OPRM1: variants seen among roughly 807,000 people sequenced by gnomAD.
The protein encoded by OPRM1 is opioid receptor mu 1.
A neutral mutation model predicts 31.8 loss-of-function variants in OPRM1; 27 were observed. The observed-to-expected ratio is 0.85, with a 90% CI of 0.63 to 1.17. The LOEUF (loss-of-function observed/expected upper bound fraction) is 1.17. Among genes scored for constraint, OPRM1 ranks in the 50% most tolerant of loss-of-function variants. The pLI is 0.00. For missense variants in OPRM1, 536 were observed against 511.1 expected (o/e 1.05, Z -0.47); for synonymous variants, 196 against 189.9 (o/e 1.03, Z -0.26).
intron 3 of OPRM1, among the ~76,000 whole-genome samples, chr6:154,183,641 G>C (rs144157248): frequency 6.6e-6 from 1 of 152,158 alleles, no homozygotes; most frequent in Non-Finnish European, 1.5e-5. Context: ...GCTTACACCT[G>C]TAATCCCAGG....
intron 1 of OPRM1, among the ~76,000 whole-genome samples, chr6:154,076,040 C>T (rs531676370): frequency 1.3e-5 from 2 of 152,278 alleles, no homozygotes; most frequent in South Asian, 4.1e-4. Flanking sequence ...AAGGCTATCT[C>T]CATGTAGTAG....
At chr6:154,026,612 T>G (rs1778711128) in intron 1 of OPRM1, among the ~76,000 whole-genome samples, 1 of 152,108 alleles carries the variant, frequency 6.6e-6, no homozygotes, top group Non-Finnish European at 1.5e-5. Flanking sequence ...ATCCTGTAAG[T>G]GTGCTTCTTT....
At chr6:154,180,558 G>C (rs1800785353) in intron 3 of OPRM1, among the ~76,000 whole-genome samples, 1 of 151,812 alleles carries the variant, frequency 6.6e-6, no homozygotes, top group Non-Finnish European at 1.5e-5. Context: ...CCATACCCCA[G>C]TCTATTGTCT....
chr6:154,182,612 A>G (rs535135566), intron 3 of OPRM1, among the ~76,000 whole-genome samples: 1 of 152,224 alleles, frequency 6.6e-6, no homozygotes, highest in Non-Finnish European at 1.5e-5. Flanking sequence ...TGTACATACA[A>G]AAAAGATATT....
intron 1 of OPRM1, among the ~76,000 whole-genome samples, chr6:154,024,161 A>G (rs1778548583): frequency 1.3e-5 from 2 of 152,066 alleles, no homozygotes; most frequent in Non-Finnish European, 2.9e-5. Flanking sequence ...TAATGAAGCC[A>G]CTAGGTCCTG....
chr6:154,185,973 C>T (rs1354735986), intron 3 of OPRM1, among the ~76,000 whole-genome samples: 1 of 152,230 alleles, frequency 6.6e-6, no homozygotes, highest in Non-Finnish European at 1.5e-5. Flanking sequence ...TTCCCCTTCT[C>T]CCTTAACAGG....
intron 1 of OPRM1, among the ~76,000 whole-genome samples, chr6:154,073,180 A>G (rs1417569361): frequency 2.0e-5 from 3 of 152,162 alleles, no homozygotes; most frequent in Non-Finnish European, 4.4e-5. Context: ...GAAACTAAGA[A>G]CAGCCAATAT....
downstream of OPRM1, among the ~76,000 whole-genome samples, chr6:154,133,001 G>T (rs576273408): frequency 6.6e-6 from 1 of 152,050 alleles, no homozygotes; most frequent in South Asian, 2.1e-4. Flanking sequence ...GGCACCTGTA[G>T]CCCCAGCTAC....
downstream of OPRM1, among the ~76,000 whole-genome samples, chr6:154,135,321 T>C (rs1798028467): frequency 6.6e-6 from 1 of 151,920 alleles, no homozygotes; most frequent in South Asian, 2.1e-4. Context: ...ATACAAAAAT[T>C]AGCCAGGCAT....
intron 1 of OPRM1, among the ~76,000 whole-genome samples, chr6:154,027,624 G>A (rs1251235025): frequency 6.6e-6 from 1 of 152,212 alleles, no homozygotes; most frequent in Non-Finnish European, 1.5e-5. Flanking sequence ...CCACGTTCTA[G>A]AGTCAAAAAC....
intron 3 of OPRM1, chr6:154,094,459 A>C: frequency 2.8e-6 from 1 of 360,204 alleles, no homozygotes; most frequent in Non-Finnish European, 5.5e-6. Flanking sequence ...CCATTTATTT[A>C]GTTTACAATT....
chr6:154,204,369 T>TAACCA (rs1554293113), intron 3 of OPRM1, among the ~76,000 whole-genome samples: 4 of 152,184 alleles, frequency 2.6e-5, no homozygotes, highest in African/African-American at 9.7e-5. Flanking sequence ...CAAAAAAGTC[T>TAACCA]AAACAAAACA....
At chr6:154,190,801 C>G (rs776026455) in intron 3 of OPRM1, among the ~76,000 whole-genome samples, 1 of 152,144 alleles carries the variant, frequency 6.6e-6, no homozygotes, top group Non-Finnish European at 1.5e-5. Context: ...TGTGATGCAT[C>G]CATACAATGG....
intron 3 of OPRM1, chr6:154,107,818 A>G (rs1483128643): frequency 2.8e-6 from 2 of 718,032 alleles, no homozygotes; most frequent in Non-Finnish European, 5.2e-6. Context: ...CAGGTGTTCC[A>G]AGCCCGTGTT....
At chr6:154,108,042 G>T in intron 3 of OPRM1, 1 of 662,202 alleles carries the variant, frequency 1.5e-6, no homozygotes, top group Non-Finnish European at 2.8e-6. Context: ...AATCTGACTG[G>T]TAAGAAATTG....
At chr6:154,229,661 T>G (rs59709876) in intron 3 of OPRM1, among the ~76,000 whole-genome samples, 12,920 of 152,082 alleles carry the variant, frequency 0.085, 990 homozygotes, top group East Asian at 0.43. Flanking sequence ...CAGCAGTTTG[T>G]CAGTTTCTAA....
At chr6:154,171,573 T>C (rs1010800006) in intron 3 of OPRM1, among the ~76,000 whole-genome samples, 1 of 152,194 alleles carries the variant, frequency 6.6e-6, no homozygotes, top group Admixed American at 6.5e-5. Flanking sequence ...ATTCCAAATA[T>C]ACTAAAAACC....
intron 3 of OPRM1, among the ~76,000 whole-genome samples, chr6:154,214,661 T>C (rs1778240178): frequency 6.6e-6 from 1 of 152,220 alleles, no homozygotes; most frequent in South Asian, 2.1e-4. Context: ...CTTAATAATG[T>C]CTTAATAATG....
At chr6:154,099,221 G>C (rs1793928744) in intron 3 of OPRM1, among the ~76,000 whole-genome samples, 1 of 151,570 alleles carries the variant, frequency 6.6e-6, no homozygotes, top group African/African-American at 2.4e-5. Flanking sequence ...GGAAGTTGAG[G>C]CTGCAATGAG....
Sources: gnomAD v4.1 joint callset for allele counts (sites outside exome capture counted in the v4.1 genomes callset) on GRCh38, gnomAD v4.1.1 for gene constraint, MANE v1.5 for transcripts, NCBI Gene and HGNC (gene_info 2026-07-23, HGNC 2026-07-21) for gene names.